The following WDR90 variants were observed in gnomAD, a reference collection of about 807,000 sequenced individuals.
The protein encoded by WDR90 is WD repeat domain 90, also known as WD repeat-containing protein 90.
Under a neutral mutation model 195.2 loss-of-function variants are expected in WDR90, and 238 were observed. That is an observed-to-expected ratio of 1.22 (90% confidence interval 1.10 to 1.36). WDR90 has a LOEUF of 1.36. WDR90 is among the 40% of genes most tolerant of loss of function. The pLI is 0.00. For synonymous variants in WDR90, 1,265 were observed against 1,052.4 expected (o/e 1.20, Z -3.91); for missense variants, 2,734 against 2,439.5 (o/e 1.12, Z -2.54).
intron 18 of WDR90, 42 bp downstream of exon 18, chr16:656,579 G>T: frequency 6.4e-7 from 1 of 1,568,750 alleles, no homozygotes; most frequent in Non-Finnish European, 8.6e-7. Context: ...GGGCCGGGAG[G>T]TCCTGAAGCT....
chr16:664,125 C>G (rs114783847), intron 34 of WDR90, among the ~76,000 whole-genome samples: 1 of 152,174 alleles, frequency 6.6e-6, no homozygotes, highest in Non-Finnish European at 1.5e-5. Flanking sequence ...CGTCACAGCA[C>G]AAGCTCCGTG....
intron 5 of WDR90, 74 bp downstream of exon 5, chr16:650,783 G>A: frequency 1.9e-6 from 3 of 1,564,328 alleles, no homozygotes; most frequent in South Asian, 1.2e-5. Flanking sequence ...CAAGTCCAGG[G>A]TGCTTGGGAA....
chr16:666,377 A>G (rs570965205), intron 37 of WDR90, 27 bp downstream of exon 37: 1 of 1,611,540 alleles, frequency 6.2e-7, no homozygotes, highest in Non-Finnish European at 8.5e-7. Context: ...AGCTGGGGAG[A>G]GGGGGCCTGG....
chr16:653,921 C>A, intron 13 of WDR90, 118 bp downstream of exon 13: 3 of 1,330,396 alleles, frequency 2.3e-6, no homozygotes, highest in Non-Finnish European at 3.1e-6. Flanking sequence ...TGCTCTGTGT[C>A]CTCCCTGTGG....
In WDR90 at chr16:653,337, C is replaced by G; in HGVS notation, c.1123-4C>G. ...GTCCTCAGCCCCCCGCCCCCTTGTGCCAGGCCCTGTGGACCCCAGACGGGG... is the reference window on the plus strand; with the variant it reads ...GTCCTCAGCCCCCCGCCCCCTTGTGGCAGGCCCTGTGGACCCCAGACGGGG... On this transcript the variant is annotated splice_polypyrimidine_tract_variant and splice_region_variant and intron_variant, in intron 10 of 40. Transcript: ENST00000293879. 6.5e-7 allele frequency: 1 copy of G among 1,536,634 alleles called. No individual in the cohort carries two copies. Among genetic ancestry groups the G allele is most frequent in the East Asian group, 2.4e-5 (1 of 42,216 alleles).
chr16:650,014 G>A lies in WDR90; in HGVS notation c.126G>A (p.Val42=). 6.2e-7 allele frequency: 1 copy of A among 1,612,826 alleles called. No homozygotes were observed. The highest frequency in any genetic ancestry group is 2.2e-5 in the East Asian group (1 of 44,886). The part of the protein sequence containing the change: ...VVTDKTLKGA[V]YRIRGSVSAA... ...AGGACAAGACCCTGAAGGGCGCCGT[G>A]TATCGCATTCGGGGCTCAGTCTCTG... Residue 42 remains valine (V), a synonymous_variant, in exon 3 of 41, where the codon GTG becomes GTA. Coordinates refer to ENST00000293879, the MANE Select transcript of WDR90 (RefSeq NM_145294.5).
intron 20 of WDR90, chr16:657,467 G>C: frequency 1.4e-6 from 1 of 735,080 alleles, no homozygotes; most frequent in Non-Finnish European, 2.1e-6. Context: ...CCAAGCTCCA[G>C]GTCAGCAGCT....
In WDR90 at chr16:657,874, C is replaced by G. The variant is rs1279271227; in HGVS notation, c.2586C>G (p.Gly862=). ...GPSRCTVTVM[G]SASLDELLRV... ...CCAGGTGCACAGTGACAGTCATGGGCTCGGCCTCCCTTGATGAGGTGAGTC... is the reference window on the plus strand; with the variant it reads ...CCAGGTGCACAGTGACAGTCATGGGGTCGGCCTCCCTTGATGAGGTGAGTC... Residue 862 remains glycine (G), a synonymous_variant, in exon 21 of 41, where the codon GGC becomes GGG. Coordinates refer to ENST00000293879, the MANE Select transcript of WDR90 (RefSeq NM_145294.5). The G allele has an allele frequency of 1.3e-6, 2 of 1,584,156 alleles. No homozygotes were observed. Among genetic ancestry groups the G allele is most frequent in the Admixed American group, 3.6e-5 (2 of 55,600 alleles).
chr16:649,692 C>G (rs1334522751), intron 1 of WDR90, 71 bp from the exon 2 acceptor site: 78 of 1,423,940 alleles, frequency 5.5e-5, no homozygotes, highest in Non-Finnish European at 6.3e-5. Flanking sequence ...TCCCCGAGGC[C>G]CGGCCCAGCC....
intron 13 of WDR90, 181 bp from the exon 14 acceptor site, chr16:654,848 C>T: frequency 4.9e-6 from 3 of 613,586 alleles, no homozygotes; most frequent in Non-Finnish European, 8.6e-6. Context: ...GTAGAAGTCC[C>T]AAAGCTTCAG....
chr16:655,105 T>C lies in WDR90; in HGVS notation c.1514T>C (p.Phe505Ser). ...GTTCTGGCAAAGGCGCACACTGACT[T>C]TGACGTCCAGGCCTTCCGGGTCACC... ...VVVLAKAHTD[F>S]DVQAFRVTFF... is the part of the protein sequence containing the mutation. The change falls in exon 14 of 41, where the codon TTT becomes TCT. Residue 505 changes from phenylalanine (F) to serine (S), a missense_variant. Transcript: ENST00000293879. 1 of 1,612,804 alleles carries C rather than the reference T, an allele frequency of 6.2e-7. No individual in the cohort carries two copies. Among genetic ancestry groups the C allele is most frequent in the South Asian group, 1.1e-5 (1 of 91,080 alleles).
At position 666,536 on chromosome 16, in the gene WDR90, T is replaced by C; in HGVS notation, c.4822T>C (p.Trp1608Arg). ...GCGGGTCAGCGTCTGGGCCTCCGACTGGCTGCGGAACCACTGTGAGCTTGT... is the reference window on the plus strand; with the variant it reads ...GCGGGTCAGCGTCTGGGCCTCCGACCGGCTGCGGAACCACTGTGAGCTTGT... ...DQRVSVWASD[W>R]LRNHCELVDW... is the part of the protein sequence containing the mutation. Residue 1608 changes from tryptophan (W) to arginine (R), a missense_variant, in exon 38 of 41, where the codon TGG becomes CGG. Transcript: ENST00000293879. 2 of 1,612,762 alleles carry C rather than the reference T, an allele frequency of 1.2e-6. No individual in the cohort carries two copies. The highest frequency in any genetic ancestry group is 1.1e-5 in the South Asian group (1 of 91,088).
At chr16:651,378 T>C (rs1278133625) in intron 7 of WDR90, 112 bp downstream of exon 7, 5 of 1,307,150 alleles carry the variant, frequency 3.8e-6, no homozygotes, top group Admixed American at 2.0e-5. Flanking sequence ...CTGCAGCTGG[T>C]GCAGGGACCC....
chr16:658,696 T>G lies in WDR90; in HGVS notation c.2895+43T>G, dbSNP rs752763272. ...CAGGTGGCTTTGGCGGTCAGGAGCC[T>G]CCTCAGGTGGCCCTGGAGACCCCTG... On this transcript the variant is annotated intron_variant, in intron 23 of 40. Transcript: ENST00000293879. 40 of 1,592,354 alleles carry G rather than the reference T, an allele frequency of 2.5e-5. No individual in the cohort carries two copies. In the East Asian group the frequency reaches 8.6e-4, roughly 34 times the overall value.
rs891638777 is a variant in WDR90 at position 655,446 on chromosome 16, C to A, written c.1696C>A (p.Pro566Thr). 6.5e-7 allele frequency: 1 copy of A among 1,548,548 alleles called. No homozygotes were observed. The highest frequency in any genetic ancestry group is 2.3e-5 in the East Asian group (1 of 42,810). ...LAFKQARDGC[P>T]EPSAAMLFVC... is the part of the protein sequence containing the mutation. Reference sequence around the variant, plus strand: ...CTTCAAGCAGGCCCGGGACGGCTGCCCGGAGCCCTCGGCTGCCATGCTGTG... The same window carrying A: ...CTTCAAGCAGGCCCGGGACGGCTGCACGGAGCCCTCGGCTGCCATGCTGTG... The change falls in exon 15 of 41, where the codon CCG becomes ACG. Residue 566 changes from proline (P) to threonine (T), a missense_variant. Physicochemically the swap from Pro to Thr is conservative, Grantham distance 38. Coordinates refer to ENST00000293879, the MANE Select transcript of WDR90 (RefSeq NM_145294.5).
In WDR90 at chr16:665,820, G is replaced by T. The variant is rs2038013712; in HGVS notation, c.4434+19G>T. 2 of 1,564,128 alleles carry T rather than the reference G, an allele frequency of 1.3e-6. No individual in the cohort carries two copies. The highest frequency in any genetic ancestry group is 1.7e-6 in the Non-Finnish European group (2 of 1,151,684). Reference sequence around the variant, plus strand: ...GAACCAGGTGTGTGGGGAGTGCCCGGGCCGGGGGCGGGATGGGGGCCTGCT... The same window carrying T: ...GAACCAGGTGTGTGGGGAGTGCCCGTGCCGGGGGCGGGATGGGGGCCTGCT... On this transcript the variant is annotated intron_variant, in intron 35 of 40. Transcript: ENST00000293879.
rs2037918155 is a variant in WDR90 at position 661,674 on chromosome 16, C to G, written c.3751C>G (p.Pro1251Ala). 1.2e-6 allele frequency: 2 copies of G among 1,612,146 alleles called. No homozygotes were observed. Among genetic ancestry groups the G allele is most frequent in the East Asian group, 4.5e-5 (2 of 44,886 alleles). The change falls in exon 31 of 41, where the codon CCG becomes GCG. Residue 1251 changes from proline to alanine, a missense_variant. By Grantham distance (27) the Pro-to-Ala change is conservative. Transcript: ENST00000293879. ...CGTGTCCTCCACCCGCCTCCCGGAG[C>G]CGGTGCATGGTGTGGCCTTCAACCC... ...DLVSSTRLPE[P>A]VHGVAFNPWD...
At chr16:649,914 C>G (rs1484978442) in intron 2 of WDR90, 60 bp downstream of exon 2, 25 of 1,595,604 alleles carry the variant, frequency 1.6e-5, no homozygotes, top group Non-Finnish European at 1.9e-5. Flanking sequence ...GGAGAGCTGC[C>G]CCGCCCCCGA....
chr16:661,393 C>G lies in WDR90; in HGVS notation c.3565C>G (p.Arg1189Gly), dbSNP rs747751734. The G allele has an allele frequency of 1.2e-6, 2 of 1,611,428 alleles. No individual in the cohort carries two copies. Among genetic ancestry groups the G allele is most frequent in the African/African-American group, 2.7e-5 (2 of 74,774 alleles). ...RSSTTAHCQIRVWDVSGGLCQ... is the reference protein window; with the variant it reads ...RSSTTAHCQIGVWDVSGGLCQ... ...CAGCACGACCGCCCATTGTCAGATCCGCGTCTGGGACGTGTCTGGCGGCCT... is the reference window on the plus strand; with the variant it reads ...CAGCACGACCGCCCATTGTCAGATCGGCGTCTGGGACGTGTCTGGCGGCCT... The change falls in exon 30 of 41, where the codon CGC becomes GGC. Residue 1189 changes from arginine to glycine, a missense_variant. By Grantham distance (125) the Arg-to-Gly change is moderately radical. Transcript: ENST00000293879.
Sources: allele counts gnomAD v4.1 joint callset (sites outside exome capture counted in the v4.1 genomes callset), GRCh38; gene constraint gnomAD v4.1.1; transcripts MANE v1.5; gene names NCBI Gene and HGNC (gene_info 2026-07-23, HGNC 2026-07-21).